Variants in TMEM170B observed in about 807,000 individuals in gnomAD.
TMEM170B encodes transmembrane protein 170B.
In TMEM170B, 6 loss-of-function variants were observed where a neutral mutation model predicts 13.0. The observed-to-expected ratio is 0.46, with a 90% CI of 0.25 to 0.91. The LOEUF (loss-of-function observed/expected upper bound fraction) is 0.91, where lower values mean the gene tolerates loss of function less well. Ranked by LOEUF, TMEM170B falls within the 40% of genes least tolerant of loss-of-function variation. TMEM170B has a pLI of 0.17. For synonymous variants in TMEM170B, 61 were observed against 64.9 expected (o/e 0.94, Z 0.29); for missense variants, 138 against 165.2 (o/e 0.84, Z 0.90).
At position 11,577,794 on chromosome 6, in the gene TMEM170B, A is replaced by G. The variant is rs2113788153; in HGVS notation, c.*2233A>G. On this transcript the variant is annotated 3_prime_UTR_variant, in exon 3 of 3. Transcript: ENST00000379426. ...AGTTATTATCAAGTTGCTTTACATT[A>G]TCAATTGTGTGTGTATGTGTATACT... 6.6e-6 allele frequency: 1 copy of G among 152,128 alleles called. No individual in the cohort carries two copies. The highest frequency in any genetic ancestry group is 2.4e-5 in the African/African-American group (1 of 41,546). The allele number at this position is 152,128 out of a possible 1,614,324, so 9.4% of individuals were successfully genotyped here. A position where few individuals can be genotyped will look rare whatever the true frequency, so the allele number is the denominator to read the frequency against.
At chr6:11,546,099 C>T (rs2113763538) in intron 1 of TMEM170B, among the ~76,000 whole-genome samples, 1 of 151,426 alleles carries the variant, frequency 6.6e-6, no homozygotes, top group African/African-American at 2.4e-5. Context: ...GACGTTGTTA[C>T]CTTAGGAGAT....
chr6:11,543,768 A>T (rs1759393429), intron 1 of TMEM170B, among the ~76,000 whole-genome samples: 1 of 152,144 alleles, frequency 6.6e-6, no homozygotes. Flanking sequence ...TTAATTGGAT[A>T]CCAAATGAAA....
At chr6:11,555,602 A>C (rs1448557133) in intron 1 of TMEM170B, among the ~76,000 whole-genome samples, 1 of 152,070 alleles carries the variant, frequency 6.6e-6, no homozygotes, top group Non-Finnish European at 1.5e-5. Flanking sequence ...CTTTTTTTCT[A>C]AACTTCTAGC....
In TMEM170B at chr6:11,551,913, A is replaced by G. The variant is rs571317849; in HGVS notation, c.97+13539A>G. ...CTCTTGGGTGCCTTGGAAAGCAAAG[A>G]TGTTTTCATCAGTAATATGAAACTG... is the stretch of plus-strand genomic sequence containing the variant. On this transcript the variant is annotated intron_variant, in intron 1 of 2. Transcript: ENST00000379426. Among the ~76,000 whole-genome samples the G allele has an allele frequency of 2.6e-5, 4 of 152,230 alleles. No individual in the cohort carries two copies. The East Asian group carries it at 7.7e-4, about 29-fold the overall frequency.
chr6:11,541,931 A>C (rs188605014), intron 1 of TMEM170B, among the ~76,000 whole-genome samples: 2 of 152,322 alleles, frequency 1.3e-5, no homozygotes, highest in Admixed American at 1.3e-4. Context: ...AGAACACACA[A>C]GATTTATCGA....
chr6:11,538,393 C>G lies in TMEM170B; in HGVS notation c.97+19C>G. On this transcript the variant is annotated intron_variant, in intron 1 of 2. Coordinates refer to ENST00000379426, the MANE Select transcript of TMEM170B (RefSeq NM_001100829.3). ...CTCACGGGTAATTGACGCGCCTGGGCTGGGGACGGGGATGCGGTCCGCCCC... is the reference window on the plus strand; with the variant it reads ...CTCACGGGTAATTGACGCGCCTGGGGTGGGGACGGGGATGCGGTCCGCCCC... 6.7e-7 allele frequency: 1 copy of G among 1,493,088 alleles called. No individual in the cohort carries two copies. The highest frequency in any genetic ancestry group is 8.9e-7 in the Non-Finnish European group (1 of 1,120,670). 92.5% of individuals were successfully genotyped at this position (1,493,088 alleles called of 1,614,324 possible). A position where few individuals can be genotyped will look rare whatever the true frequency, so the allele number is the denominator to read the frequency against.
Position 11,575,328 on chromosome 6 carries a change from G to C in TMEM170B, c.269-103G>C, listed in dbSNP as rs952049543. The C allele has an allele frequency of 2.8e-6, 4 of 1,415,834 alleles. 1 individual carries two copies. Among genetic ancestry groups the C allele is most frequent in the Non-Finnish European group, 2.9e-6 (3 of 1,044,860 alleles). 87.7% of individuals were successfully genotyped at this position (1,415,834 alleles called of 1,614,324 possible). On this transcript the variant is annotated intron_variant, in intron 2 of 2. Transcript: ENST00000379426. This position sits in a 1 kb window ranked among gnomAD's most constrained non-coding sequence, Gnocchi z 4.1. ...GTGGATAAAATGAGAAAAAAATGAT[G>C]ACTTATGTTTTGATGAAATGAAAAG...
Position 11,572,517 on chromosome 6 carries a change from T to C in TMEM170B, c.269-2914T>C, listed in dbSNP as rs531505121. ...GGCATTTAAAATGAAATATCTTTCA[T>C]ATCCTGACATTTAAGATGAAAGTTT... On this transcript the variant is annotated intron_variant, in intron 2 of 2. Coordinates refer to ENST00000379426, the MANE Select transcript of TMEM170B (RefSeq NM_001100829.3). Among the ~76,000 whole-genome samples, 61 of 152,314 alleles carry C rather than the reference T, an allele frequency of 4.0e-4. No homozygotes were observed. The South Asian group carries it at 0.012, about 30-fold the overall frequency.
At chr6:11,567,452 A>T (rs1474742956) in intron 2 of TMEM170B, among the ~76,000 whole-genome samples, 1 of 152,148 alleles carries the variant, frequency 6.6e-6, no homozygotes, top group African/African-American at 2.4e-5. Flanking sequence ...TGTCTTTATG[A>T]TGCAAGGGAT....
At chr6:11,553,687 T>A (rs1157643138) in intron 1 of TMEM170B, among the ~76,000 whole-genome samples, 1 of 152,202 alleles carries the variant, frequency 6.6e-6, no homozygotes, top group Admixed American at 6.5e-5. Flanking sequence ...GAGGTTTTAC[T>A]AGGATTTAAG....
Position 11,575,359 on chromosome 6 carries a change from T to G in TMEM170B, c.269-72T>G. The stretch of plus-strand genomic sequence containing the variant: ...TGTTTTGATGAAATGAAAAGAGCTC[T>G]TAAGGTGCAGCATGCAGTGTGTTAT... On this transcript the variant is annotated intron_variant, in intron 2 of 2. Transcript: ENST00000379426. This position sits in a 1 kb window ranked among gnomAD's most constrained non-coding sequence, Gnocchi z 4.1. 2 of 1,552,698 alleles carry G rather than the reference T, an allele frequency of 1.3e-6. No individual in the cohort carries two copies. The highest frequency in any genetic ancestry group is 1.2e-5 in the South Asian group (1 of 86,162).
chr6:11,548,234 C>A (rs1346651248), intron 1 of TMEM170B, among the ~76,000 whole-genome samples: 1 of 152,010 alleles, frequency 6.6e-6, no homozygotes, highest in South Asian at 2.1e-4. Flanking sequence ...AACAAATTTA[C>A]AAGAAAAAAA....
At chr6:11,560,592 A>G (rs1015909068) in intron 1 of TMEM170B, among the ~76,000 whole-genome samples, 41 of 150,446 alleles carry the variant, frequency 2.7e-4, no homozygotes, top group African/African-American at 1.0e-3. Context: ...TAAAAAAAAA[A>G]AAAAAAATGA....
chr6:11,545,944 A>C (rs1759433890), intron 1 of TMEM170B, among the ~76,000 whole-genome samples: 1 of 149,824 alleles, frequency 6.7e-6, no homozygotes, highest in Non-Finnish European at 1.5e-5. Context: ...CCTGGGAGGC[A>C]GAGCTTGCAG....
chr6:11,557,544 A>T (rs1337108581), intron 1 of TMEM170B, among the ~76,000 whole-genome samples: 1 of 152,250 alleles, frequency 6.6e-6, no homozygotes, highest in East Asian at 1.9e-4. Flanking sequence ...AAAGAAATTT[A>T]GATATTTTTA....
rs1307872544 is a variant in TMEM170B at position 11,579,348 on chromosome 6, T to C, written c.*3787T>C. On this transcript the variant is annotated 3_prime_UTR_variant, in exon 3 of 3. Transcript: ENST00000379426. ...TTCATACTCCGTAAAATGTGACTAA[T>C]ACCTCATGTAGTTATTGTGAGGATT... The C allele has an allele frequency of 6.6e-6, 1 of 152,220 alleles. No homozygotes were observed. The highest frequency in any genetic ancestry group is 1.9e-4 in the East Asian group (1 of 5,188). 9.4% of individuals were successfully genotyped at this position (152,220 alleles called of 1,614,324 possible).
At chr6:11,538,500 C>T (rs901817984) in intron 1 of TMEM170B, 126 bp downstream of exon 1, 1 of 704,630 alleles carries the variant, frequency 1.4e-6, no homozygotes, top group Non-Finnish European at 2.2e-6. Context: ...AGCTCCAGGT[C>T]CCGGCGAGGA....
chr6:11,554,747 A>G (rs535768346), intron 1 of TMEM170B, among the ~76,000 whole-genome samples: 1 of 152,258 alleles, frequency 6.6e-6, no homozygotes, highest in Admixed American at 6.5e-5. Flanking sequence ...GATGGGCACT[A>G]TGTTAAAGCA....
chr6:11,564,297 T>C (rs1390186642), intron 1 of TMEM170B, among the ~76,000 whole-genome samples: 2 of 152,248 alleles, frequency 1.3e-5, no homozygotes, highest in Non-Finnish European at 2.9e-5. Flanking sequence ...TTTAACTTCT[T>C]GAGGAGCCTC....
Sources: allele counts gnomAD v4.1 joint callset (sites outside exome capture counted in the v4.1 genomes callset), GRCh38; gene constraint gnomAD v4.1.1; non-coding constraint Gnocchi (gnomAD v3.1); transcripts MANE v1.5; gene names NCBI Gene and HGNC (gene_info 2026-07-23, HGNC 2026-07-21).